The following PCDHA13 variants were observed in gnomAD, a reference collection of about 807,000 sequenced individuals.
PCDHA13 encodes protocadherin alpha-13.
In PCDHA13, 54 loss-of-function variants were observed where a neutral mutation model predicts 64.8. The observed-to-expected ratio is 0.83, with a 90% CI of 0.67 to 1.04. The LOEUF (loss-of-function observed/expected upper bound fraction) is 1.04, where lower values mean the gene tolerates loss of function less well. Among genes scored for constraint, PCDHA13 ranks in the 50% least tolerant of loss-of-function variants. PCDHA13 has a pLI of 0.00. For missense variants in PCDHA13, 1,248 were observed against 1,254.3 expected, an observed-to-expected ratio of 0.99 and a Z score of 0.08; for synonymous variants, 587 against 564.4, an observed-to-expected ratio of 1.04 and a Z score of -0.57.
intron 1 of PCDHA13, among the ~76,000 whole-genome samples, chr5:140,896,526 A>G (rs1554186988): frequency 6.9e-6 from 1 of 144,852 alleles, no homozygotes; most frequent in African/African-American, 2.5e-5. Context: ...CACAAAGCCC[A>G]GCTATTTTTC....
chr5:140,999,044 T>TTTC (rs1247197667), intron 3 of PCDHA13, among the ~76,000 whole-genome samples: 1 of 152,342 alleles, frequency 6.6e-6, no homozygotes, highest in East Asian at 1.9e-4. Flanking sequence ...TCCAGTGTGC[T>TTTC]TTCCACCATG....
chr5:140,966,644 G>A, intron 1 of PCDHA13: 1 of 1,127,128 alleles, frequency 8.9e-7, no homozygotes, highest in Non-Finnish European at 1.2e-6. Context: ...GCTTTCTAGA[G>A]CGTGAGCGGT....
rs2098422568 is a variant in PCDHA13 at position 141,011,988 on chromosome 5, C to A, written c.*2051C>A. ...AAACTGTCTTGTCTACTTTTAGCTTCATTCTCCCATATTTTGAAGGGTGTG... is the reference window on the plus strand; with the variant it reads ...AAACTGTCTTGTCTACTTTTAGCTTAATTCTCCCATATTTTGAAGGGTGTG... On this transcript the variant is annotated 3_prime_UTR_variant, in exon 4 of 4. Coordinates refer to ENST00000289272, the MANE Select transcript of PCDHA13 (RefSeq NM_018904.3). 6.5e-6 allele frequency: 1 copy of A among 153,688 alleles called. No individual in the cohort carries two copies. The highest frequency in any genetic ancestry group is 2.4e-5 in the African/African-American group (1 of 41,434). 9.5% of individuals were successfully genotyped at this position (153,688 alleles called of 1,614,324 possible). A position where few individuals can be genotyped will look rare whatever the true frequency, so the allele number is the denominator to read the frequency against.
At chr5:140,984,859 A>G (rs1368341114) in intron 3 of PCDHA13, among the ~76,000 whole-genome samples, 1 of 152,046 alleles carries the variant, frequency 6.6e-6, no homozygotes, top group Non-Finnish European at 1.5e-5. Flanking sequence ...TAATAATAAC[A>G]CCTATTTTAT....
At chr5:140,906,766 C>T (rs1162031965) in intron 1 of PCDHA13, among the ~76,000 whole-genome samples, 1 of 152,224 alleles carries the variant, frequency 6.6e-6, no homozygotes, top group African/African-American at 2.4e-5. Flanking sequence ...TACTAAGAGA[C>T]ACCCTAAGGG....
rs1554213778 is a variant in PCDHA13, at chr5:140,941,190, T to TC, written c.2395-37759_2395-37758insC. ...CCATCTTGAACATCCTGCTTCTTTT[T>TC]TTTTCTTTCTTCCTTTCTTTCTTCC... On this transcript the variant is annotated intron_variant, in intron 1 of 3. Coordinates refer to ENST00000289272, the MANE Select transcript of PCDHA13 (RefSeq NM_018904.3). Among the ~76,000 whole-genome samples, 446 of 129,506 alleles carry TC rather than the reference T, an allele frequency of 3.4e-3. 3 individuals are homozygous for TC. Among genetic ancestry groups the TC allele is most frequent in the South Asian group, 0.026 (101 of 3,954 alleles). The allele number at this position is 129,506 out of a possible 152,430, so 85.0% of individuals were successfully genotyped here.
rs1015706913 is a variant in PCDHA13, at chr5:140,985,292, T to C, written c.2542+2729T>C. 2.0e-5 allele frequency among the ~76,000 whole-genome samples: 3 copies of C among 152,294 alleles called. No homozygotes were observed. The East Asian group carries it at 5.8e-4, about 29-fold the overall frequency. ...TACTTTTCTGCAATCTATGATATAG[T>C]GTTGGCTGATAGCCTGGTGGCCAGA... On this transcript the variant is annotated intron_variant, in intron 3 of 3. Transcript: ENST00000289272.
chr5:140,945,998 A>G (rs246057), intron 1 of PCDHA13, among the ~76,000 whole-genome samples: 85,388 of 151,608 alleles, frequency 0.56, 24,621 homozygotes, highest in African/African-American at 0.69. Context: ...GATTGCATCA[A>G]ACTAAAAAGC....
At chr5:140,989,829 C>A (rs1554251113) in intron 3 of PCDHA13, among the ~76,000 whole-genome samples, 3 of 152,124 alleles carry the variant, frequency 2.0e-5, no homozygotes, top group Non-Finnish European at 2.9e-5. Context: ...TGCCAGGAAG[C>A]CTGTCAATGA....
Position 140,883,537 on chromosome 5 carries a change from G to A in PCDHA13, c.1269G>A (p.Leu423=), listed in dbSNP as rs782001309. 3 of 1,614,238 alleles carry A rather than the reference G, an allele frequency of 1.9e-6. No individual in the cohort carries two copies. The African/African-American group carries it at 4.0e-5, about 22-fold the overall frequency. The change falls in exon 1 of 4, where the codon CTG becomes CTA. Residue 423 remains leucine (L), a synonymous_variant. Transcript: ENST00000289272. ...GCGAGAGCGTATCAGCCTATGAACT[G>A]GTGGTGACCGCGCGGGACGGGGGCT... ...LDRESVSAYE[L]VVTARDGGSP...
chr5:140,941,245 TTCTTTCTTTCTC>T (rs2092955664), intron 1 of PCDHA13, among the ~76,000 whole-genome samples: 1 of 140,868 alleles, frequency 7.1e-6, no homozygotes, highest in African/African-American at 2.6e-5. Flanking sequence ...CTTTCTTTCT[TTCTTTCTTTCTC>T]TTTCTTTCTT....
rs2094433165 is a variant in PCDHA13, at chr5:140,949,923, G to T, written c.2395-29026G>T. Among the ~76,000 whole-genome samples the T allele has an allele frequency of 2.7e-5, 4 of 150,516 alleles. No homozygotes were observed. In the South Asian group the frequency reaches 8.3e-4, roughly 31 times the overall value. On this transcript the variant is annotated intron_variant, in intron 1 of 3. Coordinates refer to ENST00000289272, the MANE Select transcript of PCDHA13 (RefSeq NM_018904.3). Reference sequence around the variant, plus strand: ...TAATTTTTAGATATAACTATTTTTAGATTTTTTTTAATTTGCATTTTTTAG... The same window carrying T: ...TAATTTTTAGATATAACTATTTTTATATTTTTTTTAATTTGCATTTTTTAG...
chr5:141,003,445 G>A (rs2098125256), intron 3 of PCDHA13, among the ~76,000 whole-genome samples: 1 of 152,112 alleles, frequency 6.6e-6, no homozygotes, highest in African/African-American at 2.4e-5. Flanking sequence ...CCAAGTAGAT[G>A]AAATTACAGG....
At chr5:140,998,054 A>G (rs562918919) in intron 3 of PCDHA13, among the ~76,000 whole-genome samples, 37 of 152,304 alleles carry the variant, frequency 2.4e-4, no homozygotes, top group African/African-American at 8.9e-4. Flanking sequence ...CAGTGACATC[A>G]TCATCAACAG....
intron 1 of PCDHA13, among the ~76,000 whole-genome samples, chr5:140,907,796 A>AG (rs2073616997): frequency 6.6e-6 from 1 of 152,214 alleles, no homozygotes; most frequent in African/African-American, 2.4e-5. Flanking sequence ...AAAGAGGCTA[A>AG]GTGGTGTCCA....
Position 140,883,406 on chromosome 5 carries a change from G to A in PCDHA13, c.1138G>A (p.Gly380Ser). The A allele has an allele frequency of 1.2e-6, 2 of 1,614,156 alleles. No individual in the cohort carries two copies. The highest frequency in any genetic ancestry group is 2.2e-5 in the South Asian group (2 of 91,088). ...AATCAGTGTGTCCGATCGTGACTCT[G>A]GCTCAAATGGACAGGTCACCTGCAC... ...ALISVSDRDS[G>S]SNGQVTCTLT... The change falls in exon 1 of 4, where the codon GGC becomes AGC. Residue 380 changes from glycine (G) to serine (S), a missense_variant. Gly to Ser is a moderately conservative substitution (Grantham distance 56, BLOSUM62 0). Coordinates refer to ENST00000289272, the MANE Select transcript of PCDHA13 (RefSeq NM_018904.3).
At chr5:140,939,603 CAG>C (rs2092419919) in intron 1 of PCDHA13, among the ~76,000 whole-genome samples, 2 of 152,068 alleles carry the variant, frequency 1.3e-5, no homozygotes, top group Non-Finnish European at 2.9e-5. Flanking sequence ...TGCTCAAAAA[CAG>C]AACAAGGAGA....
chr5:140,915,204 C>A (rs2077022161), intron 1 of PCDHA13, among the ~76,000 whole-genome samples: 1 of 152,120 alleles, frequency 6.6e-6, no homozygotes, highest in African/African-American at 2.4e-5. Flanking sequence ...ATCTTGGCCT[C>A]CCAAAGTGCT....
chr5:140,988,403 C>T (rs1054317981), intron 3 of PCDHA13, among the ~76,000 whole-genome samples: 3 of 152,036 alleles, frequency 2.0e-5, no homozygotes, highest in African/African-American at 4.8e-5. Context: ...GAGTTCTCTT[C>T]GCAGCTTATG....
Sources: allele counts gnomAD v4.1 joint callset (sites outside exome capture counted in the v4.1 genomes callset), GRCh38; gene constraint gnomAD v4.1.1; transcripts MANE v1.5; gene names NCBI Gene and HGNC (gene_info 2026-07-23, HGNC 2026-07-21).